The following GHR variants were observed in gnomAD, a reference collection of about 807,000 sequenced individuals.
The protein encoded by GHR is growth hormone receptor, also known as GH receptor.
Under a neutral mutation model 67.1 loss-of-function variants are expected in GHR, and 35 were observed. That is an observed-to-expected ratio of 0.52 (90% CI 0.40 to 0.69). The LOEUF (loss-of-function observed/expected upper bound fraction) is 0.69, where lower values mean the gene tolerates loss of function less well. Ranked by LOEUF, GHR falls within the 30% of genes least tolerant of loss-of-function variation. The probability of loss-of-function intolerance (pLI) is 0.00; values close to 1 mark genes in which losing one functional copy is unlikely to be tolerated. For missense variants in GHR, 792 were observed against 764.6 expected (o/e 1.04, Z -0.42); for synonymous variants, 272 against 269.1 (o/e 1.01, Z -0.10).
rs1743544027 is a variant in GHR, at chr5:42,441,054, AAG to A, written c.-12+17101_-12+17102del. On this transcript the variant is annotated intron_variant, in intron 1 of 9. Coordinates refer to ENST00000230882, the MANE Select transcript of GHR (RefSeq NM_000163.5). ...GAGATACCTCAATGTATAAATTTGT[AAG>A]ACAATGGTTTATACACACTATTAAA... Among the ~76,000 whole-genome samples, 3 of 152,300 alleles carry A rather than the reference AAG, an allele frequency of 2.0e-5. No homozygotes were observed. The South Asian group carries it at 6.2e-4, about 32-fold the overall frequency.
intron 1 of GHR, among the ~76,000 whole-genome samples, chr5:42,446,214 C>T (rs1482020925): frequency 6.6e-6 from 1 of 152,092 alleles, no homozygotes; most frequent in Non-Finnish European, 1.5e-5. Flanking sequence ...GAGGCAGGAA[C>T]GATGGAAGCA....
intron 2 of GHR, among the ~76,000 whole-genome samples, chr5:42,600,494 C>T (rs945287744): frequency 1.3e-5 from 2 of 152,228 alleles, no homozygotes; most frequent in African/African-American, 4.8e-5. Flanking sequence ...GAGTCTTGCT[C>T]TTGAGTGAGG....
intron 1 of GHR, among the ~76,000 whole-genome samples, chr5:42,549,352 T>C (rs1579919255): frequency 6.6e-6 from 1 of 152,208 alleles, no homozygotes; most frequent in Non-Finnish European, 1.5e-5. Flanking sequence ...CAACAATTTG[T>C]TTAAAACTGG....
chr5:42,660,708 C>T (rs533702865), intron 3 of GHR, among the ~76,000 whole-genome samples: 5 of 152,210 alleles, frequency 3.3e-5, no homozygotes, highest in Non-Finnish European at 5.9e-5. Flanking sequence ...GAGCACCTCT[C>T]CTCCTCCAAA....
rs559198411 is a variant in GHR, at chr5:42,424,872, T to C, written c.-12+917T>C. Reference sequence around the variant, plus strand: ...CGGGGGCTCTCGGTCTGGCGCGGACTGTGTGTCCTGAATGAGTGTACGTGT... The same window carrying C: ...CGGGGGCTCTCGGTCTGGCGCGGACCGTGTGTCCTGAATGAGTGTACGTGT... On this transcript the variant is annotated intron_variant, in intron 1 of 9. Coordinates refer to ENST00000230882, the MANE Select transcript of GHR (RefSeq NM_000163.5). This position sits in a 1 kb window ranked among gnomAD's most constrained non-coding sequence, Gnocchi z 4.1. The C allele has an allele frequency of 1.7e-5, 7 of 409,562 alleles. No homozygotes were observed. The highest frequency in any genetic ancestry group is 2.3e-5 in the Non-Finnish European group (7 of 303,614). The allele number at this position is 409,562 out of a possible 1,614,324, so 25.4% of individuals were successfully genotyped here.
chr5:42,709,796 G>GTGC (rs1758362710), intron 6 of GHR, among the ~76,000 whole-genome samples: 1 of 152,090 alleles, frequency 6.6e-6, no homozygotes, highest in Non-Finnish European at 1.5e-5. Context: ...CTTGCACTTA[G>GTGC]ACTTGGATGA....
At chr5:42,627,441 A>G (rs962872746) in intron 2 of GHR, among the ~76,000 whole-genome samples, 7 of 152,228 alleles carry the variant, frequency 4.6e-5, no homozygotes, top group African/African-American at 1.7e-4. Flanking sequence ...GATTATTATG[A>G]GAGGAGAAAT....
In GHR at chr5:42,592,633, T is replaced by C. The variant is rs577788723; in HGVS notation, c.70+26689T>C. ...GCTGCATAGTATTCCATGGTGTATA[T>C]GTATCACATTTTCTTTATCCAGTCT... On this transcript the variant is annotated intron_variant, in intron 2 of 9. Transcript: ENST00000230882. 1.6e-4 allele frequency among the ~76,000 whole-genome samples: 25 copies of C among 152,350 alleles called. No homozygotes were observed. The East Asian group carries it at 4.4e-3, about 27-fold the overall frequency.
intron 3 of GHR, among the ~76,000 whole-genome samples, chr5:42,662,482 G>C (rs1298778480): frequency 6.6e-6 from 1 of 152,168 alleles, no homozygotes; most frequent in East Asian, 1.9e-4. Context: ...CATGGAAACT[G>C]AACAACCTGG....
intron 2 of GHR, among the ~76,000 whole-genome samples, chr5:42,581,456 G>A (rs1162719267): frequency 2.6e-5 from 4 of 152,170 alleles, no homozygotes; most frequent in Non-Finnish European, 1.5e-5. Context: ...GTTGCTAGTG[G>A]AATAGACAAG....
chr5:42,688,322 C>T (rs1579612257), intron 3 of GHR, among the ~76,000 whole-genome samples: 1 of 152,348 alleles, frequency 6.6e-6, no homozygotes, highest in East Asian at 1.9e-4. Context: ...GCAGGTACAG[C>T]CTAGAAGTGC....
intron 1 of GHR, among the ~76,000 whole-genome samples, chr5:42,430,948 C>T (rs1043725524): frequency 1.3e-5 from 2 of 152,092 alleles, no homozygotes; most frequent in Non-Finnish European, 2.9e-5. Context: ...AACTTGGGTC[C>T]TCTCCAAGCT....
intron 2 of GHR, among the ~76,000 whole-genome samples, chr5:42,607,674 G>A (rs1474654716): frequency 6.6e-6 from 1 of 152,186 alleles, no homozygotes; most frequent in Non-Finnish European, 1.5e-5. Context: ...AAGGCTGCAT[G>A]GAAGAGAAGG....
chr5:42,711,242 C>T lies in GHR; in HGVS notation c.654C>T (p.Tyr218=). ...DPILTTSVPV[Y]SLKVDKEYEV... is the part of the protein sequence containing the mutation. ...TATTGACAACATCAGTTCCAGTGTA[C>T]TCATTGAAAGTGGATAAGGAATATG... is the stretch of plus-strand genomic sequence containing the variant. The change falls in exon 7 of 10, where the codon TAC becomes TAT. Residue 218 remains tyrosine, a synonymous_variant. Transcript: ENST00000230882. 1 of 1,613,118 alleles carries T rather than the reference C, an allele frequency of 6.2e-7. No homozygotes were observed. The highest frequency in any genetic ancestry group is 8.5e-7 in the Non-Finnish European group (1 of 1,179,154).
intron 3 of GHR, among the ~76,000 whole-genome samples, chr5:42,678,020 C>G (rs1756656410): frequency 6.6e-6 from 1 of 152,138 alleles, no homozygotes; most frequent in South Asian, 2.1e-4. Flanking sequence ...TAACAATGAG[C>G]ATTTATATAA....
intron 1 of GHR, among the ~76,000 whole-genome samples, chr5:42,433,890 G>T (rs1396768): frequency 2.0e-5 from 3 of 151,666 alleles, no homozygotes; most frequent in African/African-American, 4.9e-5. Context: ...TTTGTTATCC[G>T]TTGGAAGCTC....
At chr5:42,662,043 A>T (rs922446793) in intron 3 of GHR, among the ~76,000 whole-genome samples, 2 of 152,254 alleles carry the variant, frequency 1.3e-5, no homozygotes, top group Non-Finnish European at 2.9e-5. Flanking sequence ...TCAATTCAAC[A>T]AGAAGAGCTA....
intron 1 of GHR, among the ~76,000 whole-genome samples, chr5:42,527,877 A>C (rs1424665834): frequency 1.3e-5 from 2 of 152,204 alleles, no homozygotes; most frequent in Admixed American, 1.3e-4. Context: ...GCCCTTAAGA[A>C]TTATGCTAAA....
chr5:42,674,383 C>T (rs370168544), intron 3 of GHR, among the ~76,000 whole-genome samples: 1 of 152,116 alleles, frequency 6.6e-6, no homozygotes, highest in Admixed American at 6.5e-5. Flanking sequence ...ATAAAATCCA[C>T]CTTTTTAATC....
Sources: gnomAD v4.1 joint callset for allele counts (sites outside exome capture counted in the v4.1 genomes callset) on GRCh38, gnomAD v4.1.1 for gene constraint, Gnocchi (gnomAD v3.1) non-coding constraint, MANE v1.5 for transcripts, NCBI Gene and HGNC (gene_info 2026-07-23, HGNC 2026-07-21) for gene names.